Variants in ARHGAP8 observed in about 807,000 individuals in gnomAD.
ARHGAP8 encodes the protein rho GTPase-activating protein 8.
In ARHGAP8, 62 loss-of-function variants were observed where a neutral mutation model predicts 46.1. The observed-to-expected ratio is 1.34, with a 90% CI of 1.10 to 1.66. ARHGAP8 has a LOEUF of 1.66. Ranked by LOEUF, ARHGAP8 falls within the 40% of genes most tolerant of loss-of-function variation. The probability of loss-of-function intolerance (pLI) is 0.00; values close to 1 mark genes in which losing one functional copy is unlikely to be tolerated. For synonymous variants in ARHGAP8, 375 were observed against 243.1 expected (o/e 1.54, Z -5.05); for missense variants, 923 against 568.4 (o/e 1.62, Z -6.34).
intron 1 of ARHGAP8, 138 bp from the exon 2 acceptor site, chr22:44,786,319 G>T: frequency 2.0e-6 from 2 of 1,012,474 alleles, no homozygotes; most frequent in Non-Finnish European, 1.4e-6. Flanking sequence ...GGCGCGTAGT[G>T]GGTGCACGGC....
intron 6 of ARHGAP8, among the ~76,000 whole-genome samples, chr22:44,825,125 A>G (rs1214258150): frequency 2.0e-5 from 3 of 151,768 alleles, no homozygotes; most frequent in Admixed American, 6.6e-5. Flanking sequence ...TTCCTTTAGC[A>G]TTACCGGCCA....
At chr22:44,786,256 G>C (rs995594766) in intron 1 of ARHGAP8, among the ~76,000 whole-genome samples, 2 of 146,022 alleles carry the variant, frequency 1.4e-5, no homozygotes, top group Non-Finnish European at 3.0e-5. Flanking sequence ...GGGAGGGCGC[G>C]TACTGGGTGC....
intron 1 of ARHGAP8, among the ~76,000 whole-genome samples, chr22:44,754,407 G>A (rs1924505823): frequency 1.3e-5 from 2 of 151,392 alleles, no homozygotes; most frequent in South Asian, 4.2e-4. Flanking sequence ...CCAGGCTGGA[G>A]TGCAATGGCA....
chr22:44,802,116 G>T lies in ARHGAP8; in HGVS notation c.119G>T (p.Cys40Phe). 1 of 1,614,174 alleles carries T rather than the reference G, an allele frequency of 6.2e-7. No homozygotes were observed. The highest frequency in any genetic ancestry group is 8.5e-7 in the Non-Finnish European group (1 of 1,180,002). Residue 40 changes from cysteine (C) to phenylalanine (F), a missense_variant, in exon 3 of 12, where the codon TGC (cysteine) becomes TTC (phenylalanine). Physicochemically the swap from Cys to Phe is radical, Grantham distance 205. Coordinates refer to ENST00000356099, the MANE Select transcript of ARHGAP8 (RefSeq NM_181335.3). ...GGAAGACGTGTTGTCACGTTCAGCT[G>T]CTGCCGGATGCCACCCTCCCACGAG... The part of the protein sequence containing the change: ...RFGRRVVTFS[C>F]CRMPPSHELD...
chr22:44,769,509 A>T (rs1225398022), intron 1 of ARHGAP8, among the ~76,000 whole-genome samples: 1 of 152,156 alleles, frequency 6.6e-6, no homozygotes, highest in African/African-American at 2.4e-5. Context: ...TGGGATTTTG[A>T]TTGGGATTGT....
At chr22:44,780,017 G>C (rs1160250068) in intron 1 of ARHGAP8, among the ~76,000 whole-genome samples, 1 of 152,198 alleles carries the variant, frequency 6.6e-6, no homozygotes, top group Non-Finnish European at 1.5e-5. Flanking sequence ...GACCCCAAGA[G>C]GTGGCAGCAG....
intron 7 of ARHGAP8, among the ~76,000 whole-genome samples, chr22:44,843,722 G>T (rs1020333053): frequency 6.6e-6 from 1 of 151,822 alleles, no homozygotes; most frequent in African/African-American, 2.4e-5. Context: ...CTACTTGGGA[G>T]GCTAAGGTGA....
chr22:44,855,283 C>G (rs2070193877), intron 10 of ARHGAP8, among the ~76,000 whole-genome samples: 1 of 152,120 alleles, frequency 6.6e-6, no homozygotes, highest in Non-Finnish European at 1.5e-5. Context: ...ATCCTCCCAC[C>G]TCAGCCTCCC....
intron 1 of ARHGAP8, among the ~76,000 whole-genome samples, chr22:44,781,501 A>G (rs538620090): frequency 2.0e-5 from 3 of 151,800 alleles, no homozygotes; most frequent in Non-Finnish European, 4.4e-5. Flanking sequence ...AAAATGATTT[A>G]TATTATATTA....
At chr22:44,810,644 A>T (rs1363663018) in intron 4 of ARHGAP8, among the ~76,000 whole-genome samples, 2 of 152,206 alleles carry the variant, frequency 1.3e-5, no homozygotes, top group Non-Finnish European at 2.9e-5. Flanking sequence ...TGCATGGAGG[A>T]AGCAGCCTTT....
At chr22:44,826,150 G>A (rs1930508467) in intron 7 of ARHGAP8, among the ~76,000 whole-genome samples, 1 of 152,094 alleles carries the variant, frequency 6.6e-6, no homozygotes, top group African/African-American at 2.4e-5. Flanking sequence ...TCCAGAGCCA[G>A]TGGGCAGCTG....
chr22:44,759,296 T>C (rs1924937491), intron 1 of ARHGAP8, among the ~76,000 whole-genome samples: 3 of 152,090 alleles, frequency 2.0e-5, no homozygotes. Context: ...AAGAAGAGCA[T>C]ACAGGTACAT....
At chr22:44,832,481 C>T (rs902471586) in intron 7 of ARHGAP8, among the ~76,000 whole-genome samples, 4 of 152,104 alleles carry the variant, frequency 2.6e-5, no homozygotes, top group Non-Finnish European at 5.9e-5. Flanking sequence ...CTGCATCAGC[C>T]TCCCAAAGTG....
chr22:44,759,198 G>A (rs74345227), intron 1 of ARHGAP8, among the ~76,000 whole-genome samples: 11 of 152,288 alleles, frequency 7.2e-5, no homozygotes, highest in Non-Finnish European at 1.5e-4. Flanking sequence ...GTCCCTGCTC[G>A]TGTCCCCAGC....
chr22:44,786,762 C>T (rs558451710), intron 2 of ARHGAP8, among the ~76,000 whole-genome samples, 156 bp downstream of exon 2: 73 of 152,236 alleles, frequency 4.8e-4, no homozygotes, highest in Non-Finnish European at 6.6e-4. Flanking sequence ...TACCTTTAAT[C>T]CTAGCACTTT....
intron 7 of ARHGAP8, among the ~76,000 whole-genome samples, chr22:44,829,794 C>CA (rs1930808853): frequency 6.6e-6 from 1 of 152,178 alleles, no homozygotes; most frequent in African/African-American, 2.4e-5. Flanking sequence ...AGTTCAAAAG[C>CA]TTACAGCAGA....
chr22:44,773,376 A>T (rs959423876), intron 1 of ARHGAP8, among the ~76,000 whole-genome samples: 1 of 152,200 alleles, frequency 6.6e-6, no homozygotes, highest in Non-Finnish European at 1.5e-5. Context: ...TTTACTTTGT[A>T]AACTTTACTG....
chr22:44,861,743 A>C (rs1485020016), intron 11 of ARHGAP8, among the ~76,000 whole-genome samples: 1 of 152,112 alleles, frequency 6.6e-6, no homozygotes, highest in East Asian at 1.9e-4. Flanking sequence ...TCCAGGCCCC[A>C]GATTCCTCAT....
intron 6 of ARHGAP8, among the ~76,000 whole-genome samples, chr22:44,824,620 TTTC>T (rs938818581): frequency 7.3e-5 from 10 of 136,440 alleles, no homozygotes; most frequent in African/African-American, 1.1e-4. Flanking sequence ...TTTTCTTTTC[TTTC>T]TTCTTCTTTT....
Sources: allele counts gnomAD v4.1 joint callset (sites outside exome capture counted in the v4.1 genomes callset), GRCh38; gene constraint gnomAD v4.1.1; transcripts MANE v1.5; gene names NCBI Gene and HGNC (gene_info 2026-07-23, HGNC 2026-07-21).